ZZZ3: variants seen among roughly 807,000 people sequenced by gnomAD.
The protein encoded by ZZZ3 is ZZ-type zinc finger-containing protein 3.
ZZZ3 carries 22 observed loss-of-function variants against 95.2 expected under a neutral mutation model. The ratio of observed to expected loss-of-function variants is 0.23; its 90% CI spans 0.17 to 0.33. The LOEUF (loss-of-function observed/expected upper bound fraction) is 0.33, where lower values mean the gene tolerates loss of function less well. ZZZ3 is among the 10% of genes least tolerant of loss of function. ZZZ3 has a pLI of 1.00. For missense variants in ZZZ3, 885 were observed against 1,066.5 expected (o/e 0.83, Z 2.37); for synonymous variants, 335 against 358.9 (o/e 0.93, Z 0.75).
chr1:77,631,828 T>C (rs369094762), intron 5 of ZZZ3, 22 bp downstream of exon 5: 128 of 1,507,812 alleles, frequency 8.5e-5, no homozygotes, highest in African/African-American at 1.7e-4. Flanking sequence ...GCAGAATTCA[T>C]GGTTACCATA....
In ZZZ3 at chr1:77,660,619, C is replaced by T. The variant is rs191921026; in HGVS notation, c.-402-18964G>A. On this transcript the variant is annotated intron_variant, in intron 1 of 14. Coordinates refer to ENST00000370801, the MANE Select transcript of ZZZ3 (RefSeq NM_015534.6). ...CACATTTTGCTCATCCATTAATGGA[C>T]ACTTGGGTTGCTTTCACATTTTAAC... 2.1e-3 allele frequency among the ~76,000 whole-genome samples: 314 copies of T among 152,302 alleles called. 4 individuals are homozygous for T. Among genetic ancestry groups the T allele is most frequent in the Non-Finnish European group, 1.7e-3 (117 of 68,036 alleles).
chr1:77,616,726 G>A (rs1375571456), intron 5 of ZZZ3, among the ~76,000 whole-genome samples: 1 of 152,008 alleles, frequency 6.6e-6, no homozygotes, highest in African/African-American at 2.4e-5. Flanking sequence ...ATTAGCCGGG[G>A]GTGGTGGCAC....
chr1:77,634,888 T>C (rs1668155346), intron 4 of ZZZ3, among the ~76,000 whole-genome samples: 1 of 152,088 alleles, frequency 6.6e-6, no homozygotes, highest in Admixed American at 6.5e-5. Flanking sequence ...ACCCTGTCAT[T>C]TTATTTCCTA....
At chr1:77,623,318 A>G (rs1667051590) in intron 5 of ZZZ3, among the ~76,000 whole-genome samples, 1 of 152,164 alleles carries the variant, frequency 6.6e-6, no homozygotes, top group South Asian at 2.1e-4. Context: ...AAAGACAAAC[A>G]ATGCTATCTG....
chr1:77,655,735 T>C (rs781537366), intron 1 of ZZZ3, among the ~76,000 whole-genome samples: 1 of 152,194 alleles, frequency 6.6e-6, no homozygotes, highest in Admixed American at 6.5e-5. Context: ...TATGACATCA[T>C]TTAAACGTAC....
At chr1:77,667,342 T>C (rs1042890754) in intron 1 of ZZZ3, among the ~76,000 whole-genome samples, 1 of 152,330 alleles carries the variant, frequency 6.6e-6, no homozygotes, top group Admixed American at 6.5e-5. Flanking sequence ...TCATGTAACA[T>C]ACCAAGGAAT....
chr1:77,632,890 T>C lies in ZZZ3; in HGVS notation c.465A>G (p.Ala155=), dbSNP rs1570563578. The change falls in exon 5 of 15, where the codon GCA becomes GCG. Residue 155 remains alanine (A), a synonymous_variant. Transcript: ENST00000370801. ...EQRSTVVDND[A]DFQGTKRACR... is the part of the protein sequence containing the mutation. Reference sequence around the variant, plus strand: ...AAGCTCGTTTAGTCCCTTGAAAATCTGCATCATTGTCCACTACTGTACTCC... The same window carrying C: ...AAGCTCGTTTAGTCCCTTGAAAATCCGCATCATTGTCCACTACTGTACTCC... 8 of 1,614,188 alleles carry C rather than the reference T, an allele frequency of 5.0e-6. No individual in the cohort carries two copies. The East Asian group carries it at 1.6e-4, about 31-fold the overall frequency.
At chr1:77,655,543 A>G (rs1670192777) in intron 1 of ZZZ3, among the ~76,000 whole-genome samples, 1 of 152,208 alleles carries the variant, frequency 6.6e-6, no homozygotes, top group Non-Finnish European at 1.5e-5. Context: ...ACCATGAGAA[A>G]TAAATGGCTG....
At chr1:77,661,293 A>G (rs1670760379) in intron 1 of ZZZ3, among the ~76,000 whole-genome samples, 1 of 152,050 alleles carries the variant, frequency 6.6e-6, no homozygotes, top group Non-Finnish European at 1.5e-5. Context: ...GGTAACTGTA[A>G]TACCTGCTAC....
intron 1 of ZZZ3, among the ~76,000 whole-genome samples, chr1:77,666,805 C>G (rs181359709): frequency 9.9e-5 from 15 of 152,102 alleles, no homozygotes; most frequent in Non-Finnish European, 1.8e-4. Flanking sequence ...GAAGAAGATA[C>G]TATTTTAGGT....
intron 1 of ZZZ3, among the ~76,000 whole-genome samples, chr1:77,658,178 CAAAAAAAAAAAAA>C (rs1186224710): frequency 1.3e-5 from 1 of 76,314 alleles, no homozygotes; most frequent in Admixed American, 1.7e-4. Flanking sequence ...GACTTTGTCT[CAAAAAAAAAAAAA>C]AAAAAAAAAA....
At chr1:77,648,909 T>C (rs1669546208) in intron 1 of ZZZ3, among the ~76,000 whole-genome samples, 1 of 152,224 alleles carries the variant, frequency 6.6e-6, no homozygotes, top group African/African-American at 2.4e-5. Context: ...GGAAGGTGGA[T>C]CACTTGAGGT....
intron 5 of ZZZ3, among the ~76,000 whole-genome samples, chr1:77,621,285 G>A (rs1467919483): frequency 6.6e-6 from 1 of 151,774 alleles, no homozygotes; most frequent in Non-Finnish European, 1.5e-5. Context: ...TTCGTGACCA[G>A]CCTGGGCAAC....
upstream of ZZZ3, chr1:77,683,128 T>A (rs1278882493): frequency 2.1e-5 from 2 of 94,574 alleles, no homozygotes; most frequent in African/African-American, 8.3e-5. Flanking sequence ...AGTCGTCGCC[T>A]CCAGCCCACC....
At chr1:77,630,317 C>CA (rs140432890) in intron 5 of ZZZ3, among the ~76,000 whole-genome samples, 2,756 of 151,596 alleles carry the variant, frequency 0.018, 67 homozygotes, top group East Asian at 0.1. Flanking sequence ...CTACAAAATA[C>CA]AAAAAAATAT....
chr1:77,590,198 C>T (rs1570443404), intron 5 of ZZZ3, among the ~76,000 whole-genome samples: 2 of 152,244 alleles, frequency 1.3e-5, no homozygotes, highest in African/African-American at 4.8e-5. Context: ...CATGGTGAAG[C>T]CCCTGTCTCT....
At chr1:77,577,138 T>A (rs1455468600) in intron 11 of ZZZ3, among the ~76,000 whole-genome samples, 3 of 152,176 alleles carry the variant, frequency 2.0e-5, no homozygotes, top group Non-Finnish European at 4.4e-5. Flanking sequence ...CTCAGCTACA[T>A]GAAGAACCAT....
At chr1:77,673,643 A>G (rs1038894306) in intron 1 of ZZZ3, among the ~76,000 whole-genome samples, 9 of 152,178 alleles carry the variant, frequency 5.9e-5, no homozygotes, top group African/African-American at 2.2e-4. Flanking sequence ...CTAGCTTGAA[A>G]GGGGTTAATA....
chr1:77,568,445 T>C lies in ZZZ3; in HGVS notation c.2353A>G (p.Met785Val). Residue 785 changes from methionine to valine, a missense_variant, in exon 13 of 15, where the codon ATG becomes GTG. Met to Val is a conservative substitution (Grantham distance 21). This residue lies in a region of ZZZ3 where 221 missense variants were observed against 247.8 expected (regional missense o/e 0.89). Transcript: ENST00000370801. ...TTATATTCAGGTAAATTCCTATACA[T>C]GATAGGAATACTTTCGTCATCCTAT... ...DASDDESIPI[M>V]YRNLPEYKEL... 1 of 1,259,946 alleles carries C rather than the reference T, an allele frequency of 7.9e-7. No homozygotes were observed. The highest frequency in any genetic ancestry group is 1.1e-6 in the Non-Finnish European group (1 of 915,598). The allele number at this position is 1,259,946 out of a possible 1,614,324, so 78.0% of individuals were successfully genotyped here. A position where few individuals can be genotyped will look rare whatever the true frequency, so the allele number is the denominator to read the frequency against.
Sources: allele counts gnomAD v4.1 joint callset (sites outside exome capture counted in the v4.1 genomes callset), GRCh38; gene constraint gnomAD v4.1.1; regional missense constraint gnomAD v4.1.1; transcripts MANE v1.5; gene names NCBI Gene and HGNC (gene_info 2026-07-23, HGNC 2026-07-21).